C14orf93: variants seen among roughly 807,000 people sequenced by gnomAD.
The protein encoded by C14orf93 is chromosome 14 open reading frame 93.
Under a neutral mutation model 44.0 loss-of-function variants are expected in C14orf93, and 23 were observed. That is an observed-to-expected ratio of 0.52 (90% CI 0.38 to 0.74). The LOEUF (loss-of-function observed/expected upper bound fraction) is 0.74, where lower values mean the gene tolerates loss of function less well. Ranked by LOEUF, C14orf93 falls within the 30% of genes least tolerant of loss-of-function variation. The pLI is 0.00. For synonymous variants in C14orf93, 253 were observed against 265.7 expected (o/e 0.95, Z 0.46); for missense variants, 579 against 678.9 (o/e 0.85, Z 1.64).
chr14:22,989,037 G>A (rs1281129948), intron 5 of C14orf93, among the ~76,000 whole-genome samples: 1 of 152,140 alleles, frequency 6.6e-6, no homozygotes, highest in Non-Finnish European at 1.5e-5. Context: ...GTGGAGTTCA[G>A]TGACACGATC....
In C14orf93 at chr14:23,004,216, T is replaced by C. The variant is rs1447768257; in HGVS notation, c.-379-4814A>G. Among the ~76,000 whole-genome samples, 7 of 146,602 alleles carry C rather than the reference T, an allele frequency of 4.8e-5. No homozygotes were observed. The Admixed American group carries it at 4.8e-4, about 10-fold the overall frequency. On this transcript the variant is annotated intron_variant, in intron 1 of 6. Transcript: ENST00000299088. The stretch of plus-strand genomic sequence containing the variant: ...AGCCATCGTTCCCGGCCAAAATATA[T>C]ATATATATATTTGATACAGAGTCTC...
At chr14:23,002,244 A>T (rs2046347439) in intron 1 of C14orf93, among the ~76,000 whole-genome samples, 1 of 151,698 alleles carries the variant, frequency 6.6e-6, no homozygotes, top group Non-Finnish European at 1.5e-5. Flanking sequence ...TGACGTTAGG[A>T]GTTCTAGACC....
chr14:22,989,244 T>C (rs2045438064), intron 5 of C14orf93, among the ~76,000 whole-genome samples: 2 of 152,218 alleles, frequency 1.3e-5, no homozygotes, highest in African/African-American at 4.8e-5. Flanking sequence ...CCTCCTGCCC[T>C]GGCTTCCCAA....
rs74039813 is a variant in C14orf93 at position 22,996,862 on chromosome 14, C to T, written c.598-594G>A. On this transcript the variant is annotated intron_variant, in intron 2 of 6. Transcript: ENST00000299088. The surrounding 1 kb of genome is among the most constrained non-coding windows in gnomAD (Gnocchi z 4.1). The stretch of plus-strand genomic sequence containing the variant: ...ATCTACCTGACTGCCTGTGCCCTCA[C>T]TCAAGGACATACAGAGCCGGGAAAG... Among the ~76,000 whole-genome samples the T allele has an allele frequency of 8.8e-3, 1,332 of 152,158 alleles. 15 individuals carry two copies. Among genetic ancestry groups the T allele is most frequent in the African/African-American group, 0.03 (1,262 of 41,500 alleles).
intron 1 of C14orf93, among the ~76,000 whole-genome samples, chr14:23,003,906 T>A (rs1285042582): frequency 2.1e-3 from 88 of 42,678 alleles, no homozygotes; most frequent in African/African-American, 3.4e-3. Flanking sequence ...ATATTTTTTT[T>A]TTTTTTTTTT....
intron 1 of C14orf93, chr14:23,005,504 GAGA>G (rs934701314): frequency 2.0e-5 from 3 of 152,300 alleles, no homozygotes; most frequent in South Asian, 2.1e-4. Flanking sequence ...CAGTATATTA[GAGA>G]AGAAGTGTAT....
Position 22,987,510 on chromosome 14 carries a change from A to C in C14orf93, c.1322T>G (p.Val441Gly). The C allele has an allele frequency of 6.2e-7, 1 of 1,614,206 alleles. No homozygotes were observed. The highest frequency in any genetic ancestry group is 1.6e-4 in the Middle Eastern group (1 of 6,062). ...GGCCCGGAAACGGGGAGGGCGGGCC[A>C]CCCACACACCTGGCTCGTTAAGACT... ...EDSLNEPGVW[V>G]ARPPRFRAQR... Residue 441 changes from valine to glycine, a missense_variant, in exon 7 of 7, where the codon GTG becomes GGG. Transcript: ENST00000299088. This position sits in a 1 kb window ranked among gnomAD's most constrained non-coding sequence, Gnocchi z 5.6.
chr14:22,986,965 G>A lies in C14orf93; in HGVS notation c.*250C>T, dbSNP rs1164181551. ...TCATTTTCTCATCCCAGGCTTCTCC[G>A]AGATACTGTTTATGCTGAGGAATAA... On this transcript the variant is annotated 3_prime_UTR_variant, in exon 7 of 7. Coordinates refer to ENST00000299088, the MANE Select transcript of C14orf93 (RefSeq NM_021944.4). 17 of 516,942 alleles carry A rather than the reference G, an allele frequency of 3.3e-5. No individual in the cohort carries two copies. The highest frequency in any genetic ancestry group is 2.4e-4 in the East Asian group (7 of 29,742). The allele number at this position is 516,942 out of a possible 1,614,324, so 32.0% of individuals were successfully genotyped here. A position where few individuals can be genotyped will look rare whatever the true frequency, so the allele number is the denominator to read the frequency against.
At chr14:22,992,465 C>CA (rs58974559) in intron 3 of C14orf93, among the ~76,000 whole-genome samples, 6,518 of 71,050 alleles carry the variant, frequency 0.092, 554 homozygotes, top group African/African-American at 0.23. Context: ...GACTCTGTTT[C>CA]AAAAAAAAAA....
At chr14:22,993,215 T>G (rs1458905598) in intron 3 of C14orf93, among the ~76,000 whole-genome samples, 1 of 152,230 alleles carries the variant, frequency 6.6e-6, no homozygotes, top group Non-Finnish European at 1.5e-5. Flanking sequence ...TCAATTAAGT[T>G]TAGTTGTTTC....
chr14:23,008,655 TGAG>T (rs1447586334), intron 1 of C14orf93, among the ~76,000 whole-genome samples: 6 of 152,338 alleles, frequency 3.9e-5, no homozygotes, highest in African/African-American at 1.4e-4. Flanking sequence ...CAACTTCTAA[TGAG>T]GAGATAGTGA....
intron 1 of C14orf93, among the ~76,000 whole-genome samples, chr14:23,004,851 G>A (rs1208120130): frequency 6.6e-6 from 1 of 152,118 alleles, no homozygotes; most frequent in Non-Finnish European, 1.5e-5. Flanking sequence ...CCGGGAGGTG[G>A]AGGTTGCAAT....
In C14orf93 at chr14:22,988,020, C is replaced by G; in HGVS notation, c.1085-5G>C. ...GGAAGTAGGCCACACAGGCTCCTGG[C>G]GGGGAGGGAAGGAAGGGAGCAAGAA... On this transcript the variant is annotated splice_polypyrimidine_tract_variant and splice_region_variant and intron_variant, in intron 5 of 6. Coordinates refer to ENST00000299088, the MANE Select transcript of C14orf93 (RefSeq NM_021944.4). 6.2e-7 allele frequency: 1 copy of G among 1,603,678 alleles called. No individual in the cohort carries two copies. Among genetic ancestry groups the G allele is most frequent in the Non-Finnish European group, 8.5e-7 (1 of 1,171,894 alleles).
chr14:23,001,043 G>A (rs1448043746), intron 1 of C14orf93: 1 of 152,112 alleles, frequency 6.6e-6, no homozygotes, highest in African/African-American at 2.4e-5. Context: ...TGAAACTAAA[G>A]GTTAAACCAA....
At chr14:23,003,921 T>TTTTTA (rs2046487811) in intron 1 of C14orf93, among the ~76,000 whole-genome samples, 5 of 76,658 alleles carry the variant, frequency 6.5e-5, no homozygotes, top group African/African-American at 2.1e-4. Flanking sequence ...TTTTTTTTTT[T>TTTTTA]TTTTTTGAGA....
chr14:22,996,270 T>TCGCTGGCAGCC lies in C14orf93; in HGVS notation c.598-3_598-2insGGCTGCCAGCG. 1 of 1,533,248 alleles carries TCGCTGGCAGCC rather than the reference T, an allele frequency of 6.5e-7. No homozygotes were observed. Among genetic ancestry groups the TCGCTGGCAGCC allele is most frequent in the South Asian group, 1.3e-5 (1 of 79,286 alleles). 95.0% of individuals were successfully genotyped at this position (1,533,248 alleles called of 1,614,324 possible). On this transcript the variant is annotated splice_region_variant and splice_polypyrimidine_tract_variant and intron_variant, in intron 2 of 6. Coordinates refer to ENST00000299088, the MANE Select transcript of C14orf93 (RefSeq NM_021944.4). This position sits in a 1 kb window ranked among gnomAD's most constrained non-coding sequence, Gnocchi z 4.1. ...AGAGGCCACGTAATCATCCACCAGCTAAGAACATAAAAAATAATAGCCTAT... is the reference window on the plus strand; with the variant it reads ...AGAGGCCACGTAATCATCCACCAGCTCGCTGGCAGCCAAGAACATAAAAAATAATAGCCTAT...
chr14:23,009,063 G>A (rs564241183), intron 1 of C14orf93, among the ~76,000 whole-genome samples: 21 of 152,316 alleles, frequency 1.4e-4, no homozygotes, highest in Admixed American at 1.4e-3. Flanking sequence ...GTACACTTAA[G>A]AACGTGAGAC....
chr14:22,992,400 A>C (rs542834401), intron 3 of C14orf93, among the ~76,000 whole-genome samples: 250 of 147,166 alleles, frequency 1.7e-3, no homozygotes, highest in Non-Finnish European at 2.4e-3. Context: ...CAGGAGGCGG[A>C]GGTTGCAGTG....
rs2045948482 is a variant in C14orf93 at position 22,995,976 on chromosome 14, G to C, written c.890C>G (p.Ser297Cys). The C allele has an allele frequency of 6.2e-7, 1 of 1,603,898 alleles. No homozygotes were observed. Among genetic ancestry groups the C allele is most frequent in the Non-Finnish European group, 8.5e-7 (1 of 1,173,356 alleles). The change falls in exon 3 of 7, where the codon TCC (serine) becomes TGC (cysteine). Residue 297 changes from serine (S) to cysteine (C), a missense_variant. Coordinates refer to ENST00000299088, the MANE Select transcript of C14orf93 (RefSeq NM_021944.4). The part of the protein sequence containing the change: ...CRTRGSGQKN[S>C]RRKRDLVLSK... Reference sequence around the variant, plus strand: ...GAGTACAAGATCCCGCTTGCGCCTGGAGTTCTTCTGCCCACTTCCTCTGGT... The same window carrying C: ...GAGTACAAGATCCCGCTTGCGCCTGCAGTTCTTCTGCCCACTTCCTCTGGT...
Sources: gnomAD v4.1 joint callset for allele counts (sites outside exome capture counted in the v4.1 genomes callset) on GRCh38, gnomAD v4.1.1 for gene constraint, Gnocchi (gnomAD v3.1) non-coding constraint, MANE v1.5 for transcripts, NCBI Gene and HGNC (gene_info 2026-07-23, HGNC 2026-07-21) for gene names.